The following FKTN variants were observed in gnomAD, a reference collection of about 807,000 sequenced individuals.
FKTN encodes ribitol-5-phosphate transferase FKTN.
FKTN carries 47 observed loss-of-function variants against 58.6 expected under a neutral mutation model. The observed-to-expected ratio is 0.80, with a 90% CI of 0.63 to 1.02. FKTN has a LOEUF of 1.02. FKTN is among the 50% of genes least tolerant of loss of function. The pLI is 0.00. For missense variants in FKTN, 516 were observed against 537.3 expected (o/e 0.96, Z 0.39); for synonymous variants, 178 against 191.9 (o/e 0.93, Z 0.60).
chr9:105,599,525 G>A (rs757103006), intron 4 of FKTN, among the ~76,000 whole-genome samples: 8 of 146,342 alleles, frequency 5.5e-5, no homozygotes, highest in Non-Finnish European at 1.0e-4. Flanking sequence ...CCAGGCTGGA[G>A]TGCAGCCATG....
At position 105,637,088 on chromosome 9, in the gene FKTN, G is replaced by C. The variant is rs1287601082; in HGVS notation, c.*1824G>C. On this transcript the variant is annotated 3_prime_UTR_variant, in exon 11 of 11. Transcript: ENST00000357998. ...GTGCATTCCCAAATTCTAAATAGCT[G>C]ACCCTAAATTCATTTTTCATGCTTA... The C allele has an allele frequency of 2.0e-6, 2 of 986,058 alleles. No homozygotes were observed. The highest frequency in any genetic ancestry group is 2.4e-6 in the Non-Finnish European group (2 of 829,506). 61.1% of individuals were successfully genotyped at this position (986,058 alleles called of 1,614,324 possible).
intron 1 of FKTN, among the ~76,000 whole-genome samples, chr9:105,569,291 TAAAAA>T (rs959680513): frequency 6.6e-6 from 1 of 151,712 alleles, no homozygotes; most frequent in Non-Finnish European, 1.5e-5. Context: ...AATATAATAA[TAAAAA>T]AAATAAGTAA....
At chr9:105,583,533 T>C (rs1843394147) in intron 3 of FKTN, among the ~76,000 whole-genome samples, 4 of 152,232 alleles carry the variant, frequency 2.6e-5, no homozygotes, top group Admixed American at 2.6e-4. Context: ...CTTCTTCTTA[T>C]TTGTGTCTTT....
At chr9:105,617,786 C>G (rs1247317415) in intron 8 of FKTN, among the ~76,000 whole-genome samples, 173 bp from the exon 9 acceptor site, 1 of 152,010 alleles carries the variant, frequency 6.6e-6, no homozygotes, top group African/African-American at 2.4e-5. Flanking sequence ...ACTCAAGAGG[C>G]CAAGGCAGGA....
chr9:105,590,559 G>T (rs1280809449), intron 3 of FKTN, among the ~76,000 whole-genome samples: 13 of 152,180 alleles, frequency 8.5e-5, no homozygotes. Context: ...CAGTATTCAG[G>T]ATTTGTTGAT....
chr9:105,594,264 G>A (rs1441932400), intron 3 of FKTN, among the ~76,000 whole-genome samples: 1 of 152,022 alleles, frequency 6.6e-6, no homozygotes, highest in Non-Finnish European at 1.5e-5. Flanking sequence ...ATGTGGTGGG[G>A]GTTTTTGAAA....
chr9:105,559,852 G>C (rs1837954958), intron 1 of FKTN, among the ~76,000 whole-genome samples: 2 of 152,144 alleles, frequency 1.3e-5, no homozygotes, highest in Admixed American at 6.5e-5. Flanking sequence ...GGGAGAGATT[G>C]TAGAGAGAGT....
chr9:105,632,954 C>G (rs1429004184), intron 10 of FKTN, among the ~76,000 whole-genome samples: 2 of 152,154 alleles, frequency 1.3e-5, no homozygotes, highest in Non-Finnish European at 2.9e-5. Context: ...TAGTCTTAGT[C>G]ATTATTTACT....
At chr9:105,594,846 A>C (rs928866334) in intron 3 of FKTN, among the ~76,000 whole-genome samples, 3 of 152,258 alleles carry the variant, frequency 2.0e-5, no homozygotes, top group African/African-American at 7.2e-5. Context: ...CTGAGCAAAT[A>C]AAATGAAGTC....
intron 10 of FKTN, among the ~76,000 whole-genome samples, chr9:105,632,465 A>G (rs911521215): frequency 3.3e-5 from 5 of 150,474 alleles, no homozygotes; most frequent in African/African-American, 1.2e-4. Flanking sequence ...AAAATAAATA[A>G]AAAAGCCAGG....
chr9:105,589,923 T>C (rs1380378250), intron 3 of FKTN, among the ~76,000 whole-genome samples: 1 of 152,040 alleles, frequency 6.6e-6, no homozygotes, highest in African/African-American at 2.4e-5. Flanking sequence ...ATGGGGAGAA[T>C]AGTAGGTAAG....
chr9:105,590,727 C>T (rs569469797), intron 3 of FKTN, among the ~76,000 whole-genome samples: 6 of 152,152 alleles, frequency 3.9e-5, no homozygotes, highest in East Asian at 3.9e-4. Context: ...TTTTTTTGTA[C>T]GTGTTAAGTT....
intron 3 of FKTN, among the ~76,000 whole-genome samples, chr9:105,593,937 A>G (rs913702663): frequency 6.6e-6 from 1 of 152,204 alleles, no homozygotes. Flanking sequence ...AGAAGAGACA[A>G]CCCATTAGGA....
At position 105,594,969 on chromosome 9, in the gene FKTN, T is replaced by A. The variant is rs79444581; in HGVS notation, c.106-1629T>A. Among the ~76,000 whole-genome samples, 1,266 of 152,292 alleles carry A rather than the reference T, an allele frequency of 8.3e-3. 19 individuals are homozygous for A. Among genetic ancestry groups the A allele is most frequent in the African/African-American group, 0.029 (1,209 of 41,562 alleles). On this transcript the variant is annotated intron_variant, in intron 3 of 10. Coordinates refer to ENST00000357998, the MANE Select transcript of FKTN (RefSeq NM_001079802.2). The stretch of plus-strand genomic sequence containing the variant: ...GGAAATAACCTAAATGTTCATCAAC[T>A]AATGAATGAATATACAATGGAATAT...
In FKTN at chr9:105,617,391, C is replaced by T. The variant is rs541908720; in HGVS notation, c.911-568C>T. On this transcript the variant is annotated intron_variant, in intron 8 of 10. Transcript: ENST00000357998. ...GCTGCTACTGCTTTTCTTTTTCATA[C>T]GGCCCATCAGGTGGTCACTGTTGAG... Among the ~76,000 whole-genome samples, 20 of 152,226 alleles carry T rather than the reference C, an allele frequency of 1.3e-4. No individual in the cohort carries two copies. The South Asian group carries it at 2.1e-3, about 16-fold the overall frequency.
intron 3 of FKTN, among the ~76,000 whole-genome samples, chr9:105,591,936 A>C (rs1340772689): frequency 6.6e-6 from 1 of 152,222 alleles, no homozygotes; most frequent in Non-Finnish European, 1.5e-5. Flanking sequence ...AGCCTCAGCT[A>C]TACCTGTGCC....
intron 10 of FKTN, among the ~76,000 whole-genome samples, chr9:105,625,388 G>A (rs138825775): frequency 1.2e-4 from 19 of 152,300 alleles, no homozygotes; most frequent in Non-Finnish European, 2.4e-4. Flanking sequence ...GGCAATGCTG[G>A]TAAACTGGTT....
chr9:105,568,022 A>T (rs1027460220), intron 1 of FKTN, among the ~76,000 whole-genome samples: 1 of 152,252 alleles, frequency 6.6e-6, no homozygotes, highest in Non-Finnish European at 1.5e-5. Context: ...GACAAAACTG[A>T]TAAAAACAAG....
At position 105,604,322 on chromosome 9, in the gene FKTN, C is replaced by T. The variant is rs1338666898; in HGVS notation, c.477C>T (p.Pro159=). Residue 159 remains proline (P), a synonymous_variant, in exon 6 of 11, where the codon CCC becomes CCT. Coordinates refer to ENST00000357998, the MANE Select transcript of FKTN (RefSeq NM_001079802.2). ...GIDSLSGTEI[P]LHYICKLATH... is the part of the protein sequence containing the mutation. Reference sequence around the variant, plus strand: ...ACTCACTCTCTGGAACTGAAATCCCCCTGCACTATATCTGCAAACTGGCCA... The same window carrying T: ...ACTCACTCTCTGGAACTGAAATCCCTCTGCACTATATCTGCAAACTGGCCA... The T allele has an allele frequency of 6.2e-7, 1 of 1,614,084 alleles. No homozygotes were observed. The highest frequency in any genetic ancestry group is 1.7e-5 in the Admixed American group (1 of 60,014).
Sources: gnomAD v4.1 joint callset for allele counts (sites outside exome capture counted in the v4.1 genomes callset) on GRCh38, gnomAD v4.1.1 for gene constraint, MANE v1.5 for transcripts, NCBI Gene and HGNC (gene_info 2026-07-23, HGNC 2026-07-21) for gene names.